CCSER1: variants seen among roughly 807,000 people sequenced by gnomAD.
CCSER1 encodes serine-rich coiled-coil domain-containing protein 1.
CCSER1 carries 41 observed loss-of-function variants against 82.0 expected under a neutral mutation model. The observed-to-expected ratio is 0.50, with a 90% CI of 0.39 to 0.65. CCSER1 has a LOEUF of 0.65. Among genes scored for constraint, CCSER1 ranks in the 30% least tolerant of loss-of-function variants. The probability of loss-of-function intolerance (pLI) is 0.00; values close to 1 mark genes in which losing one functional copy is unlikely to be tolerated. For synonymous variants in CCSER1, 414 were observed against 383.9 expected (o/e 1.08, Z -0.92); for missense variants, 1,119 against 1,064.2 (o/e 1.05, Z -0.72).
At chr4:90,338,859 G>A (rs920097102) in intron 3 of CCSER1, among the ~76,000 whole-genome samples, 4 of 152,038 alleles carry the variant, frequency 2.6e-5, no homozygotes, top group African/African-American at 4.8e-5. Context: ...TCATATCAAA[G>A]TCCAGATCTA....
At chr4:91,411,980 A>G (rs946136447) in intron 10 of CCSER1, among the ~76,000 whole-genome samples, 2 of 152,244 alleles carry the variant, frequency 1.3e-5, no homozygotes, top group South Asian at 4.2e-4. Flanking sequence ...AAGTGACTTC[A>G]GCAAGAAGCA....
intron 9 of CCSER1, among the ~76,000 whole-genome samples, chr4:90,932,998 A>AAGAAAG (rs1730287256): frequency 5.6e-5 from 4 of 72,038 alleles, no homozygotes; most frequent in Admixed American, 1.5e-4. Flanking sequence ...GAAAGAAAGA[A>AAGAAAG]AGAAAGAAAG....
At chr4:90,480,965 G>C (rs955097663) in intron 5 of CCSER1, among the ~76,000 whole-genome samples, 2 of 152,110 alleles carry the variant, frequency 1.3e-5, no homozygotes, top group African/African-American at 4.8e-5. Context: ...AAATTAGTTT[G>C]GGCAGTATGG....
At chr4:91,402,481 C>T (rs541027446) in intron 10 of CCSER1, among the ~76,000 whole-genome samples, 156 of 152,246 alleles carry the variant, frequency 1.0e-3, no homozygotes, top group African/African-American at 3.4e-3. Context: ...TGCCTATGTC[C>T]TGAATGGTAT....
chr4:90,365,047 A>G (rs1746030504), intron 3 of CCSER1, among the ~76,000 whole-genome samples: 1 of 151,920 alleles, frequency 6.6e-6, no homozygotes, highest in South Asian at 2.1e-4. Context: ...TTGACAGCCT[A>G]TGGCAGATTT....
chr4:91,226,086 T>C (rs935193544), intron 10 of CCSER1, among the ~76,000 whole-genome samples: 1 of 152,004 alleles, frequency 6.6e-6, no homozygotes, highest in Non-Finnish European at 1.5e-5. Context: ...ACAAGTGCGA[T>C]GTTGGTGTGC....
At chr4:90,845,581 A>G (rs1010961257) in intron 8 of CCSER1, among the ~76,000 whole-genome samples, 1 of 152,124 alleles carries the variant, frequency 6.6e-6, no homozygotes, top group Non-Finnish European at 1.5e-5. Context: ...GCCTGCTTGC[A>G]TATGACAGAG....
Position 90,628,098 on chromosome 4 carries a change from A to C in CCSER1, c.1798A>C (p.Ser600Arg), listed in dbSNP as rs561753715. The C allele has an allele frequency of 6.2e-7, 1 of 1,613,742 alleles. No individual in the cohort carries two copies. Among genetic ancestry groups the C allele is most frequent in the Non-Finnish European group, 8.5e-7 (1 of 1,179,702 alleles). The stretch of plus-strand genomic sequence containing the variant: ...TTCCCACATCAGCCGAATGCCCAAC[A>C]GTCCATCTGCGGATTGGCCTCTACA... ...RCSHISRMPNSPSADWPLQGV... is the reference protein window; with the variant it reads ...RCSHISRMPNRPSADWPLQGV... The change falls in exon 6 of 11, where the codon AGT (serine) becomes CGT (arginine). Residue 600 changes from serine (S) to arginine (R), a missense_variant. Coordinates refer to ENST00000509176, the MANE Select transcript of CCSER1 (RefSeq NM_001145065.2).
At chr4:90,265,123 G>C (rs1393266714) in intron 1 of CCSER1, among the ~76,000 whole-genome samples, 1 of 151,756 alleles carries the variant, frequency 6.6e-6, no homozygotes, top group Admixed American at 6.6e-5. Flanking sequence ...GTGTGTTGAA[G>C]GGAAGAGTGT....
chr4:90,957,538 A>G (rs918641899), intron 9 of CCSER1, among the ~76,000 whole-genome samples: 8 of 122,630 alleles, frequency 6.5e-5, no homozygotes, highest in Non-Finnish European at 1.1e-4. Context: ...TATTATATAT[A>G]TTATATAATT....
intron 7 of CCSER1, among the ~76,000 whole-genome samples, chr4:90,808,843 G>C (rs1316416619): frequency 3.3e-5 from 5 of 152,076 alleles, no homozygotes; most frequent in African/African-American, 1.2e-4. Context: ...ATTTCTCAAA[G>C]AACTAAAAGT....
intron 10 of CCSER1, among the ~76,000 whole-genome samples, chr4:91,089,163 G>T (rs958226879): frequency 6.6e-6 from 1 of 152,146 alleles, no homozygotes; most frequent in Admixed American, 6.5e-5. Context: ...GATTTTACAT[G>T]AAAGGGCCGT....
At position 90,694,797 on chromosome 4, in the gene CCSER1, G is replaced by GGGGTGT. The variant is rs1553987833; in HGVS notation, c.1933-29116_1933-29115insGGTGTG. Among the ~76,000 whole-genome samples the GGGGTGT allele has an allele frequency of 2.8e-3, 401 of 145,450 alleles. 1 individual carries two copies. The highest frequency in any genetic ancestry group is 9.6e-3 in the African/African-American group (383 of 39,918). ...TTCTCAATGCACGATGTGTGTGTGG[G>GGGGTGT]GTGTGTGTGTGTGTGTGTGTGTGTG... On this transcript the variant is annotated intron_variant, in intron 6 of 10. Coordinates refer to ENST00000509176, the MANE Select transcript of CCSER1 (RefSeq NM_001145065.2).
At chr4:91,443,090 A>G (rs1398800370) in intron 10 of CCSER1, among the ~76,000 whole-genome samples, 1 of 152,072 alleles carries the variant, frequency 6.6e-6, no homozygotes, top group East Asian at 1.9e-4. Context: ...CTAGAACTAG[A>G]AATACCATTT....
At chr4:90,947,919 G>A (rs971259470) in intron 9 of CCSER1, among the ~76,000 whole-genome samples, 1 of 151,972 alleles carries the variant, frequency 6.6e-6, no homozygotes, top group African/African-American at 2.4e-5. Flanking sequence ...TAACTTAATG[G>A]TAAACCTTCC....
At chr4:91,523,277 A>G (rs769435470) in intron 10 of CCSER1, among the ~76,000 whole-genome samples, 10 of 152,200 alleles carry the variant, frequency 6.6e-5, no homozygotes, top group Non-Finnish European at 1.3e-4. Context: ...TTGGTTTGCC[A>G]GTATTTTATT....
At chr4:90,484,132 A>T (rs1179789072) in intron 5 of CCSER1, among the ~76,000 whole-genome samples, 1 of 152,052 alleles carries the variant, frequency 6.6e-6, no homozygotes, top group African/African-American at 2.4e-5. Flanking sequence ...TTCATCTTCC[A>T]TCACTGGTAC....
rs187168444 is a variant in CCSER1 at position 91,482,067 on chromosome 4, T to C, written c.2218-116505T>C. 1.8e-4 allele frequency among the ~76,000 whole-genome samples: 27 copies of C among 148,538 alleles called. No individual in the cohort carries two copies. The East Asian group carries it at 5.3e-3, about 29-fold the overall frequency. ...AGAGAGATGCAAATCAAAACCATGA[T>C]GAGATACCATCTCACACCAGTTAGA... On this transcript the variant is annotated intron_variant, in intron 10 of 10. Coordinates refer to ENST00000509176, the MANE Select transcript of CCSER1 (RefSeq NM_001145065.2).
chr4:91,048,933 C>G (rs749078921), intron 9 of CCSER1, among the ~76,000 whole-genome samples: 1 of 152,054 alleles, frequency 6.6e-6, no homozygotes, highest in African/African-American at 2.4e-5. Context: ...ATTGGCATAA[C>G]AAGGGATTAG....
Sources: allele counts gnomAD v4.1 joint callset (sites outside exome capture counted in the v4.1 genomes callset), GRCh38; gene constraint gnomAD v4.1.1; transcripts MANE v1.5; gene names NCBI Gene and HGNC (gene_info 2026-07-23, HGNC 2026-07-21).